Variants in ANO2 observed in about 807,000 individuals in gnomAD.
ANO2 encodes the protein anoctamin-2.
In ANO2, 101 loss-of-function variants were observed where a neutral mutation model predicts 124.2. The observed-to-expected ratio is 0.81, with a 90% CI of 0.69 to 0.96. The LOEUF (loss-of-function observed/expected upper bound fraction) is 0.96. Among genes scored for constraint, ANO2 ranks in the 40% least tolerant of loss-of-function variants. The pLI, the probability that ANO2 is intolerant of heterozygous loss-of-function variation, is 0.00. For synonymous variants in ANO2, 486 were observed against 482.5 expected (o/e 1.01, Z -0.09); for missense variants, 1,293 against 1,274.5 (o/e 1.01, Z -0.22).
intron 7 of ANO2, among the ~76,000 whole-genome samples, chr12:5,813,514 T>C (rs1282588260): frequency 6.6e-6 from 1 of 152,216 alleles, no homozygotes; most frequent in African/African-American, 2.4e-5. Flanking sequence ...GTGATTCTGA[T>C]GCCAATTACA....
At chr12:5,910,023 T>G (rs917890295) in intron 3 of ANO2, among the ~76,000 whole-genome samples, 4 of 152,184 alleles carry the variant, frequency 2.6e-5, no homozygotes, top group African/African-American at 9.7e-5. Flanking sequence ...AAACATAAAT[T>G]TGTGATATAG....
At chr12:5,803,559 G>A (rs971761859) in intron 9 of ANO2, among the ~76,000 whole-genome samples, 4 of 152,066 alleles carry the variant, frequency 2.6e-5, no homozygotes, top group Non-Finnish European at 4.4e-5. Context: ...AGTGGGAGCC[G>A]GGCAGCCCTG....
At chr12:5,640,443 C>T (rs1946284547) in intron 15 of ANO2, among the ~76,000 whole-genome samples, 2 of 152,140 alleles carry the variant, frequency 1.3e-5, no homozygotes, top group Non-Finnish European at 2.9e-5. Context: ...GAACAGGCAA[C>T]CTACAGAATG....
intron 14 of ANO2, among the ~76,000 whole-genome samples, chr12:5,720,360 T>A (rs1037926222): frequency 3.9e-5 from 6 of 152,202 alleles, no homozygotes; most frequent in African/African-American, 1.4e-4. Context: ...CTTTTGAGTT[T>A]CTGGCACATT....
chr12:5,854,177 T>A, intron 3 of ANO2, 36 bp from the exon 4 acceptor site: 1 of 1,575,662 alleles, frequency 6.3e-7, no homozygotes. Flanking sequence ...TGGAAACACT[T>A]GTAAGGACAT....
chr12:5,824,607 C>T (rs1345355357), intron 7 of ANO2, among the ~76,000 whole-genome samples: 1 of 152,184 alleles, frequency 6.6e-6, no homozygotes, highest in Non-Finnish European at 1.5e-5. Flanking sequence ...CCAAACTTTC[C>T]CACATTTTCC....
At chr12:5,677,437 C>A (rs1846164820) in intron 14 of ANO2, among the ~76,000 whole-genome samples, 1 of 152,170 alleles carries the variant, frequency 6.6e-6, no homozygotes, top group South Asian at 2.1e-4. Flanking sequence ...TCACAGCACC[C>A]AAATCCCCTC....
At chr12:5,805,203 T>C (rs186444930) in intron 9 of ANO2, among the ~76,000 whole-genome samples, 2 of 152,294 alleles carry the variant, frequency 1.3e-5, no homozygotes, top group Admixed American at 1.3e-4. Context: ...TAACAGGGAC[T>C]AATAGGCAGG....
At chr12:5,677,426 T>G (rs1948297154) in intron 14 of ANO2, among the ~76,000 whole-genome samples, 2 of 152,122 alleles carry the variant, frequency 1.3e-5, no homozygotes, top group African/African-American at 4.8e-5. Flanking sequence ...AAAAAGAAAG[T>G]TCACAGCACC....
At chr12:5,660,712 T>C (rs1000110549) in intron 14 of ANO2, among the ~76,000 whole-genome samples, 3 of 152,166 alleles carry the variant, frequency 2.0e-5, no homozygotes, top group Non-Finnish European at 4.4e-5. Flanking sequence ...TCAACATGGA[T>C]CCAGCACTTG....
At chr12:5,621,604 G>A (rs1268929598) in intron 16 of ANO2, among the ~76,000 whole-genome samples, 3 of 152,212 alleles carry the variant, frequency 2.0e-5, no homozygotes, top group Admixed American at 1.3e-4. Flanking sequence ...ATTAAGTGCT[G>A]CTGTGAGGTT....
At position 5,563,376 on chromosome 12, in the gene ANO2, C is replaced by T. The variant is rs202054467; in HGVS notation, c.2920G>A (p.Ala974Thr). 2 of 1,603,298 alleles carry T rather than the reference C, an allele frequency of 1.2e-6. No homozygotes were observed. Among genetic ancestry groups the T allele is most frequent in the East Asian group, 4.5e-5 (2 of 44,434 alleles). ...TGGCCTGAAGGTGCTGAGCTGGCTGCCCGGCTCCTGCTTCGATCCCCACCT... is the reference window on the plus strand; with the variant it reads ...TGGCCTGAAGGTGCTGAGCTGGCTGTCCGGCTCCTGCTTCGATCCCCACCT... ...PGGGDRSRSR[A>T]ASSAPSGQSQ... The change falls in exon 25 of 25, where the codon GCA (alanine) becomes ACA (threonine). Residue 974 changes from alanine to threonine, a missense_variant. Transcript: ENST00000682330.
intron 7 of ANO2, among the ~76,000 whole-genome samples, chr12:5,825,584 T>A (rs1303314696): frequency 1.3e-5 from 2 of 152,132 alleles, no homozygotes; most frequent in Non-Finnish European, 2.9e-5. Flanking sequence ...AACTGGAAGT[T>A]AAGATTGCCA....
intron 4 of ANO2, among the ~76,000 whole-genome samples, chr12:5,848,376 C>A (rs940998166): frequency 1.3e-5 from 2 of 148,886 alleles, no homozygotes; most frequent in African/African-American, 4.9e-5. Flanking sequence ...TCCCCAGTTA[C>A]ATGATTCTTT....
intron 1 of ANO2, among the ~76,000 whole-genome samples, chr12:5,930,506 T>G (rs1456159951): frequency 6.6e-6 from 1 of 152,138 alleles, no homozygotes; most frequent in African/African-American, 2.4e-5. Context: ...GACAATTTGG[T>G]CTTCATCCTA....
At chr12:5,785,766 G>A (rs1952522763) in intron 10 of ANO2, among the ~76,000 whole-genome samples, 2 of 152,102 alleles carry the variant, frequency 1.3e-5, no homozygotes, top group South Asian at 2.1e-4. Flanking sequence ...CAGTCCCCAT[G>A]CTGGTCCCCC....
intron 11 of ANO2, among the ~76,000 whole-genome samples, chr12:5,744,888 ATG>A (rs2137083751): frequency 6.6e-6 from 1 of 152,328 alleles, no homozygotes; most frequent in African/African-American, 2.4e-5. Context: ...TTCTAAGAGC[ATG>A]AGCTGGAGAG....
At position 5,900,831 on chromosome 12, in the gene ANO2, G is replaced by A. The variant is rs1940146468; in HGVS notation, c.534+20209C>T. Among the ~76,000 whole-genome samples, 1 of 152,208 alleles carries A rather than the reference G, an allele frequency of 6.6e-6. No individual in the cohort carries two copies. Among genetic ancestry groups the A allele is most frequent in the Non-Finnish European group, 1.5e-5 (1 of 68,030 alleles). ...GCTGTTTGGAAAGAGTCAAGGCCAA[G>A]AGGGCAGGAAGGCGTCTCCTTGTTC... On this transcript the variant is annotated intron_variant, in intron 3 of 24. Transcript: ENST00000682330. The surrounding 1 kb of genome is among the most constrained non-coding windows in gnomAD (Gnocchi z 4.2).
chr12:5,737,033 A>G (rs1307385966), intron 13 of ANO2, among the ~76,000 whole-genome samples: 1 of 152,236 alleles, frequency 6.6e-6, no homozygotes, highest in Non-Finnish European at 1.5e-5. Context: ...TGGAGATCAG[A>G]CACTACACCT....
Sources: gnomAD v4.1 joint callset for allele counts (sites outside exome capture counted in the v4.1 genomes callset) on GRCh38, gnomAD v4.1.1 for gene constraint, Gnocchi (gnomAD v3.1) non-coding constraint, MANE v1.5 for transcripts, NCBI Gene and HGNC (gene_info 2026-07-23, HGNC 2026-07-21) for gene names.